Variants in TENM4 observed in about 807,000 individuals in gnomAD.
TENM4 encodes teneurin transmembrane protein 4.
Under a neutral mutation model 243.3 loss-of-function variants are expected in TENM4, and 82 were observed. The observed-to-expected ratio is 0.34, with a 90% CI of 0.28 to 0.40. The LOEUF is 0.40. TENM4 is among the 10% of genes least tolerant of loss of function. The probability of loss-of-function intolerance (pLI) is 1.00; values close to 1 mark genes in which losing one functional copy is unlikely to be tolerated. For synonymous variants in TENM4, 1,412 were observed against 1,456.3 expected, an observed-to-expected ratio of 0.97 and a Z score of 0.69; for missense variants, 3,138 against 3,673.3, an observed-to-expected ratio of 0.85 and a Z score of 3.77.
chr11:79,391,647 T>C (rs1419605947), intron 1 of TENM4, among the ~76,000 whole-genome samples: 1 of 152,248 alleles, frequency 6.6e-6, no homozygotes, highest in Non-Finnish European at 1.5e-5. Context: ...AATGTGAAGC[T>C]ATTTACTGTC....
At chr11:78,801,092 G>A (rs1437008303) in intron 15 of TENM4, among the ~76,000 whole-genome samples, 1 of 152,220 alleles carries the variant, frequency 6.6e-6, no homozygotes, top group East Asian at 1.9e-4. Flanking sequence ...AGAGAGATAA[G>A]AATGGCAACA....
intron 8 of TENM4, among the ~76,000 whole-genome samples, chr11:78,890,287 A>G (rs915167370): frequency 5.9e-5 from 9 of 152,230 alleles, no homozygotes; most frequent in African/African-American, 2.2e-4. Context: ...AGAAGGTGTT[A>G]ACCAACTCAA....
At position 78,989,845 on chromosome 11, in the gene TENM4, G is replaced by C. The variant is rs576843329; in HGVS notation, c.493+74893C>G. Among the ~76,000 whole-genome samples, 231 of 152,158 alleles carry C rather than the reference G, an allele frequency of 1.5e-3. 2 individuals are homozygous for C. Among genetic ancestry groups the C allele is most frequent in the African/African-American group, 5.3e-3 (219 of 41,508 alleles). On this transcript the variant is annotated intron_variant, in intron 6 of 33. Coordinates refer to ENST00000278550, the MANE Select transcript of TENM4 (RefSeq NM_001098816.3). Reference sequence around the variant, plus strand: ...GAGGCAGGCAGATCACTTGAGCCCAGGAGTTTGAGACCAGCCTGGACAACA... The same window carrying C: ...GAGGCAGGCAGATCACTTGAGCCCACGAGTTTGAGACCAGCCTGGACAACA...
At chr11:78,896,685 C>T (rs1421758393) in intron 7 of TENM4, among the ~76,000 whole-genome samples, 1 of 152,108 alleles carries the variant, frequency 6.6e-6, no homozygotes, top group Non-Finnish European at 1.5e-5. Context: ...TTCTCCCCTG[C>T]AAACTCCTAC....
chr11:79,319,379 G>A (rs1327156587), intron 1 of TENM4, among the ~76,000 whole-genome samples: 2 of 152,088 alleles, frequency 1.3e-5, no homozygotes, highest in African/African-American at 4.8e-5. Flanking sequence ...TCACCCTTAT[G>A]AATCCAGAAA....
At chr11:78,731,042 C>T (rs1042291879) in intron 21 of TENM4, among the ~76,000 whole-genome samples, 1 of 152,126 alleles carries the variant, frequency 6.6e-6, no homozygotes, top group Non-Finnish European at 1.5e-5. Flanking sequence ...CTGGGAAAAT[C>T]CAAGAGTTTG....
chr11:78,726,830 G>A lies in TENM4; in HGVS notation c.3407-608C>T, dbSNP rs376966409. 2.3e-4 allele frequency among the ~76,000 whole-genome samples: 35 copies of A among 152,300 alleles called. No homozygotes were observed. In the East Asian group the frequency reaches 6.2e-3, roughly 27 times the overall value. On this transcript the variant is annotated intron_variant, in intron 22 of 33. Transcript: ENST00000278550. ...AGAAGCAGATGCTGCCAGGCTTCCT[G>A]TACAGCCTGCAGAATCATGAGCCAA...
chr11:79,162,854 T>A (rs1031281136), intron 3 of TENM4, among the ~76,000 whole-genome samples: 2 of 152,336 alleles, frequency 1.3e-5, no homozygotes, highest in African/African-American at 4.8e-5. Context: ...CTGCACAGCA[T>A]GCTGAGCCAT....
chr11:78,929,782 ACT>A (rs1401131038), intron 6 of TENM4, among the ~76,000 whole-genome samples: 52 of 152,252 alleles, frequency 3.4e-4, no homozygotes, highest in African/African-American at 1.3e-3. Context: ...CCACCTCCAG[ACT>A]CTGTCATTTT....
intron 1 of TENM4, among the ~76,000 whole-genome samples, chr11:79,429,656 G>A (rs1859126213): frequency 6.6e-6 from 1 of 152,150 alleles, no homozygotes; most frequent in Admixed American, 6.5e-5. Context: ...CCCAAAACCT[G>A]TTGGCATTTT....
At chr11:79,165,578 C>A (rs1862892616) in intron 3 of TENM4, among the ~76,000 whole-genome samples, 1 of 152,120 alleles carries the variant, frequency 6.6e-6, no homozygotes, top group African/African-American at 2.4e-5. Context: ...GAGATTTTCT[C>A]CTACTCTGTG....
intron 4 of TENM4, among the ~76,000 whole-genome samples, chr11:79,116,472 C>G (rs1181382329): frequency 6.6e-6 from 1 of 150,926 alleles, no homozygotes; most frequent in Non-Finnish European, 1.5e-5. Context: ...TTGTCTAAGT[C>G]AAGTTGACGT....
rs111720629 is a variant in TENM4, at chr11:79,033,832, G to T, written c.493+30906C>A. Among the ~76,000 whole-genome samples, 672 of 152,254 alleles carry T rather than the reference G, an allele frequency of 4.4e-3. 6 individuals are homozygous for T. The highest frequency in any genetic ancestry group is 0.016 in the African/African-American group (648 of 41,540). ...TAAAATTTATGAAGTGATTTATTTGGAGGGTCCTAAAAAGATACAAATAAA... is the reference window on the plus strand; with the variant it reads ...TAAAATTTATGAAGTGATTTATTTGTAGGGTCCTAAAAAGATACAAATAAA... On this transcript the variant is annotated intron_variant, in intron 6 of 33. Transcript: ENST00000278550.
At chr11:78,709,832 G>GC (rs1378740046) in intron 26 of TENM4, among the ~76,000 whole-genome samples, 1 of 152,170 alleles carries the variant, frequency 6.6e-6, no homozygotes, top group Non-Finnish European at 1.5e-5. Context: ...TCAGCGGGTG[G>GC]CTAGGACCAG....
chr11:78,977,276 A>C (rs1857683218), intron 6 of TENM4, among the ~76,000 whole-genome samples: 1 of 152,154 alleles, frequency 6.6e-6, no homozygotes, highest in African/African-American at 2.4e-5. Context: ...ATCTCAATTA[A>C]TTACATCTGC....
intron 12 of TENM4, among the ~76,000 whole-genome samples, chr11:78,833,746 A>T (rs1286778549): frequency 3.9e-5 from 6 of 152,186 alleles, no homozygotes; most frequent in Non-Finnish European, 5.9e-5. Flanking sequence ...GAAAAGGTGA[A>T]TCGGGGGTAT....
intron 2 of TENM4, among the ~76,000 whole-genome samples, chr11:79,253,631 C>T (rs747321077): frequency 6.6e-5 from 10 of 152,236 alleles, no homozygotes; most frequent in East Asian, 3.9e-4. Context: ...TCCTCTGAAC[C>T]GATGGGATCC....
intron 6 of TENM4, among the ~76,000 whole-genome samples, chr11:79,043,078 C>T (rs1422842698): frequency 6.6e-6 from 1 of 152,238 alleles, no homozygotes; most frequent in Non-Finnish European, 1.5e-5. Flanking sequence ...TCCCACCCCA[C>T]TCTGGGATAT....
intron 28 of TENM4, among the ~76,000 whole-genome samples, chr11:78,700,091 A>G (rs571673745): frequency 6.6e-6 from 1 of 152,362 alleles, no homozygotes; most frequent in African/African-American, 2.4e-5. Flanking sequence ...TTCAAATTAT[A>G]TTTAAAAATC....
Sources: allele counts gnomAD v4.1 joint callset (sites outside exome capture counted in the v4.1 genomes callset), GRCh38; gene constraint gnomAD v4.1.1; transcripts MANE v1.5; gene names NCBI Gene and HGNC (gene_info 2026-07-23, HGNC 2026-07-21).